The following CREB3L1 variants were observed in gnomAD, a reference collection of about 807,000 sequenced individuals.
CREB3L1 encodes the protein cAMP responsive element binding protein 3 like 1.
A neutral mutation model predicts 54.5 loss-of-function variants in CREB3L1; 33 were observed. That is an observed-to-expected ratio of 0.61 (90% CI 0.46 to 0.81). The LOEUF (loss-of-function observed/expected upper bound fraction) is 0.81, where lower values mean the gene tolerates loss of function less well. CREB3L1 is among the 30% of genes least tolerant of loss of function. The probability of loss-of-function intolerance (pLI) is 0.00; values close to 1 mark genes in which losing one functional copy is unlikely to be tolerated. For missense variants in CREB3L1, 656 were observed against 673.3 expected (o/e 0.97, Z 0.29); for synonymous variants, 284 against 286.4 (o/e 0.99, Z 0.08).
At position 46,295,592 on chromosome 11, in the gene CREB3L1, A is replaced by C. The variant is rs1010186229; in HGVS notation, c.103-4343A>C. ...CCGCGGGCCGTCGGCGCAGGCCGGGACCCTCCTCCGCGCGAGCCCTGCACT... is the reference window on the plus strand; with the variant it reads ...CCGCGGGCCGTCGGCGCAGGCCGGGCCCCTCCTCCGCGCGAGCCCTGCACT... On this transcript the variant is annotated intron_variant, in intron 1 of 11. Coordinates refer to ENST00000621158, the MANE Select transcript of CREB3L1 (RefSeq NM_052854.4). The surrounding 1 kb of genome is among the most constrained non-coding windows in gnomAD (Gnocchi z 4.6). 1.5e-4 allele frequency among the ~76,000 whole-genome samples: 23 copies of C among 151,898 alleles called. No individual in the cohort carries two copies. Among genetic ancestry groups the C allele is most frequent in the African/African-American group, 5.1e-4 (21 of 41,434 alleles).
intron 1 of CREB3L1, among the ~76,000 whole-genome samples, chr11:46,287,471 T>C (rs577632807): frequency 6.6e-6 from 1 of 152,192 alleles, no homozygotes; most frequent in Non-Finnish European, 1.5e-5. Context: ...GCTAATTTTT[T>C]GTATTTTTTG....
At chr11:46,289,521 G>A (rs1939102941) in intron 1 of CREB3L1, among the ~76,000 whole-genome samples, 1 of 152,260 alleles carries the variant, frequency 6.6e-6, no homozygotes, top group African/African-American at 2.4e-5. Flanking sequence ...TGCTGTGGTA[G>A]AACAGAGAGG....
chr11:46,312,798 C>T, intron 7 of CREB3L1, 53 bp from the exon 8 acceptor site: 1 of 1,552,514 alleles, frequency 6.4e-7, no homozygotes, highest in East Asian at 2.4e-5. Context: ...GGCCGAGGAG[C>T]TGTTGTGAGT....
At position 46,321,354 on chromosome 11, in the gene CREB3L1, T is replaced by A; in HGVS notation, c.*608T>A. The A allele has an allele frequency of 9.2e-6, 2 of 218,388 alleles. No homozygotes were observed. The highest frequency in any genetic ancestry group is 5.3e-5 in the Admixed American group (1 of 18,932). The allele number at this position is 218,388 out of a possible 1,614,324, so 13.5% of individuals were successfully genotyped here. ...GGCCTTTTTAATTGCCAAACTGCTC[T>A]CTTCATCAGCTCAGCACATGCTTTA... On this transcript the variant is annotated 3_prime_UTR_variant, in exon 12 of 12. Coordinates refer to ENST00000621158, the MANE Select transcript of CREB3L1 (RefSeq NM_052854.4).
chr11:46,320,633 C>T (rs1267390175), intron 11 of CREB3L1, 77 bp from the exon 12 acceptor site: 2 of 1,561,112 alleles, frequency 1.3e-6, no homozygotes, highest in Non-Finnish European at 1.7e-6. Flanking sequence ...CCCATCCCTA[C>T]TTGGTCTAGA....
intron 1 of CREB3L1, among the ~76,000 whole-genome samples, chr11:46,296,471 A>AG (rs1044370316): frequency 7.3e-5 from 11 of 151,070 alleles, no homozygotes; most frequent in Admixed American, 5.3e-4. Flanking sequence ...AAGAAATAGG[A>AG]GGGGGGGAAC....
chr11:46,285,134 G>C (rs1325466163), intron 1 of CREB3L1, among the ~76,000 whole-genome samples: 1 of 152,136 alleles, frequency 6.6e-6, no homozygotes, highest in Admixed American at 6.5e-5. Context: ...GGAGCATAAA[G>C]GACATCCCTG....
chr11:46,290,260 C>T (rs547730204), intron 1 of CREB3L1, among the ~76,000 whole-genome samples: 1 of 152,122 alleles, frequency 6.6e-6, no homozygotes, highest in Non-Finnish European at 1.5e-5. Context: ...AACACCAGGA[C>T]CCTAACAAGA....
intron 3 of CREB3L1, among the ~76,000 whole-genome samples, chr11:46,309,100 G>A (rs1309900551): frequency 6.6e-6 from 1 of 152,220 alleles, no homozygotes; most frequent in East Asian, 1.9e-4. Context: ...AGCTGGCATT[G>A]TCAACAGTGA....
chr11:46,281,100 A>G (rs1938964682), intron 1 of CREB3L1, among the ~76,000 whole-genome samples: 1 of 152,180 alleles, frequency 6.6e-6, no homozygotes, highest in South Asian at 2.1e-4. Flanking sequence ...TTTTCTTTCT[A>G]TGAGGATACC....
chr11:46,317,368 C>T lies in CREB3L1; in HGVS notation c.1139C>T (p.Ala380Val), dbSNP rs868595287. 3.1e-6 allele frequency: 5 copies of T among 1,613,950 alleles called. No individual in the cohort carries two copies. The African/African-American group carries it at 4.0e-5, about 13-fold the overall frequency. The change falls in exon 10 of 12, where the codon GCC becomes GTC. Residue 380 changes from alanine to valine, a missense_variant. By Grantham distance (64) the Ala-to-Val change is moderately conservative. Coordinates refer to ENST00000621158, the MANE Select transcript of CREB3L1 (RefSeq NM_052854.4). ...TQTGTCLMVA[A>V]LCFVLVLGSL... ...CTCTCTCTTTGCTACCAGGTGGCAG[C>T]CTTGTGCTTTGTTCTGGTGCTGGGC... is the stretch of plus-strand genomic sequence containing the variant.
intron 2 of CREB3L1, among the ~76,000 whole-genome samples, chr11:46,305,714 G>A (rs1264005057): frequency 1.7e-5 from 2 of 118,846 alleles, no homozygotes; most frequent in African/African-American, 7.8e-5. Context: ...GTGTGTGTGT[G>A]TGTGTGTGTG....
At chr11:46,299,893 C>T (rs1590343804) in intron 1 of CREB3L1, 42 bp from the exon 2 acceptor site, 1 of 1,505,744 alleles carries the variant, frequency 6.6e-7, no homozygotes, top group African/African-American at 1.4e-5. Context: ...CCTTCCCAAG[C>T]AAAGCTGAAT....
At chr11:46,283,983 G>C (rs1174682136) in intron 1 of CREB3L1, among the ~76,000 whole-genome samples, 1 of 152,084 alleles carries the variant, frequency 6.6e-6, no homozygotes, top group Non-Finnish European at 1.5e-5. Flanking sequence ...GGGGATGCTG[G>C]GTCCCACAGA....
chr11:46,285,853 G>T (rs1359529603), intron 1 of CREB3L1, among the ~76,000 whole-genome samples: 4 of 152,234 alleles, frequency 2.6e-5, no homozygotes, highest in African/African-American at 9.6e-5. Flanking sequence ...AATGAAAGTA[G>T]CGATGGAGTG....
rs533687676 is a variant in CREB3L1 at position 46,314,272 on chromosome 11, C to T, written c.1031+1353C>T. On this transcript the variant is annotated intron_variant, in intron 8 of 11. Coordinates refer to ENST00000621158, the MANE Select transcript of CREB3L1 (RefSeq NM_052854.4). ...AAAAAAGAAAGAAAAGAAACATTAT[C>T]TCATAGGATGGATGTGAGGGTATTA... 3.3e-5 allele frequency among the ~76,000 whole-genome samples: 5 copies of T among 151,744 alleles called. No homozygotes were observed. The South Asian group carries it at 6.2e-4, about 19-fold the overall frequency.
intron 1 of CREB3L1, among the ~76,000 whole-genome samples, chr11:46,283,514 G>A (rs1939009868): frequency 6.6e-6 from 1 of 152,126 alleles, no homozygotes; most frequent in Non-Finnish European, 1.5e-5. Flanking sequence ...CTATTTCAAG[G>A]ACTTACTATA....
intron 1 of CREB3L1, among the ~76,000 whole-genome samples, chr11:46,292,188 G>A (rs560445778): frequency 5.3e-5 from 8 of 152,214 alleles, no homozygotes; most frequent in Admixed American, 1.3e-4. Flanking sequence ...AGAACAACCC[G>A]GAGAATGGGT....
chr11:46,320,252 C>T lies in CREB3L1; in HGVS notation c.1259-12C>T. ...TCTTGGGCACACCGCTCATCCTACACTCCCTCTCCAGTGCCCTCCCGAAGC... is the reference window on the plus strand; with the variant it reads ...TCTTGGGCACACCGCTCATCCTACATTCCCTCTCCAGTGCCCTCCCGAAGC... On this transcript the variant is annotated splice_polypyrimidine_tract_variant and intron_variant, in intron 10 of 11. Transcript: ENST00000621158. The T allele has an allele frequency of 1.3e-6, 2 of 1,584,164 alleles. No individual in the cohort carries two copies. Among genetic ancestry groups the T allele is most frequent in the East Asian group, 2.2e-5 (1 of 44,588 alleles).
Sources: gnomAD v4.1 joint callset for allele counts (sites outside exome capture counted in the v4.1 genomes callset) on GRCh38, gnomAD v4.1.1 for gene constraint, Gnocchi (gnomAD v3.1) non-coding constraint, MANE v1.5 for transcripts, NCBI Gene and HGNC (gene_info 2026-07-23, HGNC 2026-07-21) for gene names.